Variants in SPNS2 observed in about 807,000 individuals in gnomAD.
The protein encoded by SPNS2 is SPNS lysolipid transporter 2, sphingosine-1-phosphate.
A neutral mutation model predicts 57.6 loss-of-function variants in SPNS2; 37 were observed. That is an observed-to-expected ratio of 0.64 (90% confidence interval 0.49 to 0.85). The LOEUF (loss-of-function observed/expected upper bound fraction) is 0.85, where lower values mean the gene tolerates loss of function less well. Among genes scored for constraint, SPNS2 ranks in the 40% least tolerant of loss-of-function variants. The pLI is 0.00. For synonymous variants in SPNS2, 440 were observed against 346.9 expected (o/e 1.27, Z -2.98); for missense variants, 831 against 779.1 (o/e 1.07, Z -0.79).
intron 5 of SPNS2, 56 bp downstream of exon 5, chr17:4,531,175 G>T: frequency 6.4e-7 from 1 of 1,572,296 alleles, no homozygotes. Context: ...CTCGCCCCAG[G>T]GTTGCCCAGA....
intron 4 of SPNS2, 70 bp downstream of exon 4, chr17:4,530,853 C>T: frequency 1.3e-6 from 2 of 1,563,494 alleles, no homozygotes; most frequent in Non-Finnish European, 1.7e-6. Flanking sequence ...TGAGTTCTCC[C>T]ACTCCCTGGG....
intron 2 of SPNS2, among the ~76,000 whole-genome samples, chr17:4,520,482 G>C (rs953234315): frequency 2.0e-5 from 3 of 152,112 alleles, no homozygotes; most frequent in African/African-American, 7.2e-5. Flanking sequence ...TCCTACCATG[G>C]TGTTGGGGGG....
intron 2 of SPNS2, among the ~76,000 whole-genome samples, chr17:4,516,684 C>G (rs1470350433): frequency 2.6e-5 from 4 of 152,132 alleles, no homozygotes. Flanking sequence ...TGTGTGAGAT[C>G]GAGTAGATGT....
rs753231558 is a variant in SPNS2 at position 4,531,133 on chromosome 17, C to T, written c.792+14C>T. Reference sequence around the variant, plus strand: ...TGGGCATTGCGGGTAAGCCCTACGTCCCTTCCCATGAGGACACCCTCCGGT... The same window carrying T: ...TGGGCATTGCGGGTAAGCCCTACGTTCCTTCCCATGAGGACACCCTCCGGT... On this transcript the variant is annotated intron_variant, in intron 5 of 12. Coordinates refer to ENST00000329078, the MANE Select transcript of SPNS2 (RefSeq NM_001124758.3). 1 of 1,613,792 alleles carries T rather than the reference C, an allele frequency of 6.2e-7. No homozygotes were observed. Among genetic ancestry groups the T allele is most frequent in the Non-Finnish European group, 8.5e-7 (1 of 1,179,780 alleles).
At chr17:4,505,174 C>A (rs1423867263) in intron 1 of SPNS2, among the ~76,000 whole-genome samples, 1 of 152,208 alleles carries the variant, frequency 6.6e-6, no homozygotes, top group Non-Finnish European at 1.5e-5. Flanking sequence ...CACCATCCCC[C>A]TCTAGCCATG....
Position 4,516,316 on chromosome 17 carries a change from CAA to C in SPNS2, c.436+3030_436+3031del, listed in dbSNP as rs67710825. On this transcript the variant is annotated intron_variant, in intron 2 of 12. Transcript: ENST00000329078. Reference sequence around the variant, plus strand: ...GTGACAGAGTGAGACTCTATCTCCCCAAAAAAAAAAAAAAAAAAAAAAAAAAA... The same window carrying C: ...GTGACAGAGTGAGACTCTATCTCCCCAAAAAAAAAAAAAAAAAAAAAAAAA... 2.8e-4 allele frequency among the ~76,000 whole-genome samples: 19 copies of C among 67,486 alleles called. No individual in the cohort carries two copies. In the East Asian group the frequency reaches 3.5e-3, roughly 12 times the overall value. The allele number at this position is 67,486 out of a possible 152,430, so 44.3% of individuals were successfully genotyped here.
At chr17:4,505,473 T>A (rs1177111285) in intron 1 of SPNS2, among the ~76,000 whole-genome samples, 1 of 152,188 alleles carries the variant, frequency 6.6e-6, no homozygotes, top group Non-Finnish European at 1.5e-5. Context: ...AATGGGAGGA[T>A]GTAGTCAGGC....
At chr17:4,523,474 T>C (rs1004033348) in intron 2 of SPNS2, among the ~76,000 whole-genome samples, 5 of 151,138 alleles carry the variant, frequency 3.3e-5, no homozygotes, top group Admixed American at 1.3e-4. Flanking sequence ...ACTATATCAA[T>C]AAATTTCTCT....
At position 4,531,091 on chromosome 17, in the gene SPNS2, C is replaced by T. The variant is rs765499945; in HGVS notation, c.764C>T (p.Ala255Val). 1.2e-6 allele frequency: 2 copies of T among 1,614,058 alleles called. No individual in the cohort carries two copies. Reference sequence around the variant, plus strand: ...ATTACTGGCTCCAGCGTGAAGCAGGCAGCCGGAGACTGGCACTGGGCATTG... The same window carrying T: ...ATTACTGGCTCCAGCGTGAAGCAGGTAGCCGGAGACTGGCACTGGGCATTG... Reference protein sequence around the residue: ...GYITGSSVKQAAGDWHWALRV... With the variant: ...GYITGSSVKQVAGDWHWALRV... Residue 255 changes from alanine to valine, a missense_variant, in exon 5 of 13, where the codon GCA (alanine) becomes GTA (valine). Around this residue, in one of 2 missense-constraint regions of SPNS2, gnomAD observed 305 missense variants for 378.3 expected, o/e 0.81. Coordinates refer to ENST00000329078, the MANE Select transcript of SPNS2 (RefSeq NM_001124758.3).
chr17:4,532,004 G>A (rs951510997), intron 5 of SPNS2, among the ~76,000 whole-genome samples: 1 of 152,080 alleles, frequency 6.6e-6, no homozygotes, highest in Non-Finnish European at 1.5e-5. Flanking sequence ...CCAGGGCCCT[G>A]CGGCTGAGGA....
In SPNS2 at chr17:4,499,281, C is replaced by T. The variant is rs371668971; in HGVS notation, c.234C>T (p.Pro78=). 1.3e-6 allele frequency: 2 copies of T among 1,491,112 alleles called. No individual in the cohort carries two copies. Among genetic ancestry groups the T allele is most frequent in the East Asian group, 2.8e-5 (1 of 35,266 alleles). 92.4% of individuals were successfully genotyped at this position (1,491,112 alleles called of 1,614,324 possible). Reference sequence around the variant, plus strand: ...GACCCCCCGGCACCCCCGGCACCCCCGGCTGCGCAGCTACTGCAAAGGGCC... The same window carrying T: ...GACCCCCCGGCACCCCCGGCACCCCTGGCTGCGCAGCTACTGCAAAGGGCC... ...PTGPPGTPGT[P]GCAATAKGPG... The change falls in exon 1 of 13, where the codon CCC becomes CCT. Residue 78 remains proline (P), a synonymous_variant. Transcript: ENST00000329078. The surrounding 1 kb of genome is among the most constrained non-coding windows in gnomAD (Gnocchi z 5.2).
rs1267438114 is a variant in SPNS2, at chr17:4,533,448, G to T, written c.1278+16G>T. 1.3e-6 allele frequency: 2 copies of T among 1,579,382 alleles called. No individual in the cohort carries two copies. The highest frequency in any genetic ancestry group is 1.8e-5 in the Admixed American group (1 of 56,822). On this transcript the variant is annotated intron_variant, in intron 8 of 12. Transcript: ENST00000329078. ...AGGAGCCTATGTGAGTGCAGCGGGG[G>T]TCAAGGGTGCTGGGGGAGCTGGGCC...
At chr17:4,513,905 T>A (rs904143811) in intron 2 of SPNS2, among the ~76,000 whole-genome samples, 1 of 152,216 alleles carries the variant, frequency 6.6e-6, no homozygotes, top group Non-Finnish European at 1.5e-5. Context: ...CCCAGGCTTC[T>A]GATGGGCTGC....
chr17:4,535,391 A>G (rs1214066111), intron 9 of SPNS2, among the ~76,000 whole-genome samples: 1 of 152,156 alleles, frequency 6.6e-6, no homozygotes, highest in Non-Finnish European at 1.5e-5. Context: ...AGGGAGGGGA[A>G]CCAAGATGGG....
intron 1 of SPNS2, among the ~76,000 whole-genome samples, chr17:4,500,231 G>C (rs1904439254): frequency 6.6e-6 from 1 of 152,232 alleles, no homozygotes; most frequent in Non-Finnish European, 1.5e-5. Flanking sequence ...TCTAGCCCCA[G>C]CTTTGCTCCT....
chr17:4,532,182 C>T (rs1004650543), intron 5 of SPNS2, among the ~76,000 whole-genome samples: 2 of 152,088 alleles, frequency 1.3e-5, no homozygotes, highest in African/African-American at 4.8e-5. Flanking sequence ...ATCTATCCGT[C>T]CATCCCTCCA....
intron 2 of SPNS2, among the ~76,000 whole-genome samples, chr17:4,519,451 C>T (rs2144335612): frequency 6.6e-6 from 1 of 152,282 alleles, no homozygotes; most frequent in African/African-American, 2.4e-5. Context: ...TGACGGCCTC[C>T]TGCCAGCCTG....
At chr17:4,530,958 TGG>T (rs1205852398) in intron 4 of SPNS2, 93 bp from the exon 5 acceptor site, 1 of 1,493,562 alleles carries the variant, frequency 6.7e-7, no homozygotes, top group Non-Finnish European at 9.1e-7. Flanking sequence ...GCTGGCTGGG[TGG>T]GGAGGGTGGG....
At chr17:4,534,860 C>T (rs1000422995) in intron 9 of SPNS2, among the ~76,000 whole-genome samples, 3 of 152,054 alleles carry the variant, frequency 2.0e-5, no homozygotes, top group Non-Finnish European at 4.4e-5. Flanking sequence ...TGGGCAGGAC[C>T]CCCTCTCCTG....
Sources: allele counts gnomAD v4.1 joint callset (sites outside exome capture counted in the v4.1 genomes callset), GRCh38; gene constraint gnomAD v4.1.1; regional missense constraint gnomAD v4.1.1; non-coding constraint Gnocchi (gnomAD v3.1); transcripts MANE v1.5; gene names NCBI Gene and HGNC (gene_info 2026-07-23, HGNC 2026-07-21).